ERCC5: variants seen among roughly 807,000 people sequenced by gnomAD.
ERCC5 encodes ERCC excision repair 5, endonuclease.
In ERCC5, 68 loss-of-function variants were observed where a neutral mutation model predicts 105.6. The observed-to-expected ratio is 0.64, with a 90% CI of 0.53 to 0.79. The LOEUF is 0.79. ERCC5 is among the 30% of genes least tolerant of loss of function. ERCC5 has a pLI of 0.00. For synonymous variants in ERCC5, 546 were observed against 526.2 expected (o/e 1.04, Z -0.51); for missense variants, 1,373 against 1,426.7 (o/e 0.96, Z 0.61).
rs374826471 is a variant in ERCC5, at chr13:102,872,336, C to A, written c.2817C>A (p.Pro939=). 1 of 1,614,152 alleles carries A rather than the reference C, an allele frequency of 6.2e-7. No individual in the cohort carries two copies. Among genetic ancestry groups the A allele is most frequent in the African/African-American group, 1.3e-5 (1 of 75,034 alleles). The change falls in exon 13 of 15, where the codon CCC becomes CCA. Residue 939 remains proline, a synonymous_variant. Coordinates refer to ENST00000652225, the MANE Select transcript of ERCC5 (RefSeq NM_000123.4). ...CTGTTGCCGAGGCCTACCTCAAACC[C>A]GTGGTGGATGACTCGAAGGGATCCT... ...NPAVAEAYLK[P]VVDDSKGSFL... is the part of the protein sequence containing the mutation.
Position 102,865,466 on chromosome 13 carries a change from A to T in ERCC5, c.1955-201A>T. The stretch of plus-strand genomic sequence containing the variant: ...AAGACAGTGCCAGTTTACCTAATTG[A>T]AAAGGCTTGTTTTGAAGTTACAGGC... On this transcript the variant is annotated intron_variant, in intron 8 of 14. Transcript: ENST00000652225. The surrounding 1 kb of genome is among the most constrained non-coding windows in gnomAD (Gnocchi z 4.0). 3.0e-6 allele frequency: 2 copies of T among 660,656 alleles called. No individual in the cohort carries two copies. Among genetic ancestry groups the T allele is most frequent in the Non-Finnish European group, 4.9e-6 (2 of 409,390 alleles). The allele number at this position is 660,656 out of a possible 1,614,324, so 40.9% of individuals were successfully genotyped here.
rs1882789152 is a variant in ERCC5 at position 102,865,165 on chromosome 13, A to G, written c.1955-502A>G. On this transcript the variant is annotated intron_variant, in intron 8 of 14. Transcript: ENST00000652225. The surrounding 1 kb of genome is among the most constrained non-coding windows in gnomAD (Gnocchi z 4.0). ...GGCCTTGCCAGCCCTCTCCACCTAC[A>G]GGGAAGGAAGGCAACCATTAAATAT... The G allele has an allele frequency of 5.3e-6, 1 of 189,660 alleles. No homozygotes were observed. The highest frequency in any genetic ancestry group is 9.5e-5 in the South Asian group (1 of 10,514). The allele number at this position is 189,660 out of a possible 1,614,324, so 11.7% of individuals were successfully genotyped here.
chr13:102,852,573 T>C (rs977897661), intron 2 of ERCC5, among the ~76,000 whole-genome samples: 1 of 152,194 alleles, frequency 6.6e-6, no homozygotes, highest in Non-Finnish European at 1.5e-5. Flanking sequence ...GAGGATCTTG[T>C]TAGGTGTTTT....
chr13:102,866,243 A>G lies in ERCC5; in HGVS notation c.2200-19A>G, dbSNP rs767364722. The G allele has an allele frequency of 3.7e-6, 6 of 1,613,378 alleles. No individual in the cohort carries two copies. Among genetic ancestry groups the G allele is most frequent in the Non-Finnish European group, 5.1e-6 (6 of 1,179,614 alleles). ...TTGGATTATTAATATAAATCTATAAATGAAAAAACATTTTATAGGAGGAGT... is the reference window on the plus strand; with the variant it reads ...TTGGATTATTAATATAAATCTATAAGTGAAAAAACATTTTATAGGAGGAGT... On this transcript the variant is annotated intron_variant, in intron 9 of 14. Transcript: ENST00000652225.
intron 5 of ERCC5, among the ~76,000 whole-genome samples, chr13:102,856,515 T>C (rs562715352): frequency 5.6e-4 from 85 of 152,374 alleles, no homozygotes; most frequent in Non-Finnish European, 7.1e-4. Context: ...TTTGTATATA[T>C]GTATCAAATG....
chr13:102,872,285 A>G lies in ERCC5; in HGVS notation c.2766A>G (p.Gln922=), dbSNP rs370696670. The G allele has an allele frequency of 2.5e-6, 4 of 1,613,704 alleles. No individual in the cohort carries two copies. The highest frequency in any genetic ancestry group is 2.2e-5 in the South Asian group (2 of 91,044). The change falls in exon 13 of 15, where the codon CAA becomes CAG. Residue 922 remains glutamine (Q), a synonymous_variant. Coordinates refer to ENST00000652225, the MANE Select transcript of ERCC5 (RefSeq NM_000123.4). ...TGAAAAAAAAATTACGGACATTGCA[A>G]CTCACCCCTGGCTTTCCTAACCCAG... The part of the protein sequence containing the change: ...TKVKKKLRTL[Q]LTPGFPNPAV...
In ERCC5 at chr13:102,872,381, T is replaced by C. The variant is rs1883064585; in HGVS notation, c.2862T>C (p.Asp954=). The change falls in exon 13 of 15, where the codon GAT becomes GAC. Residue 954 remains aspartate (D), a synonymous_variant. Transcript: ENST00000652225. ...SKGSFLWGKP[D]LDKIREFCQR... Reference sequence around the variant, plus strand: ...GATCCTTTCTGTGGGGGAAACCTGATCTCGACAAAATTAGAGAATATCCTT... The same window carrying C: ...GATCCTTTCTGTGGGGGAAACCTGACCTCGACAAAATTAGAGAATATCCTT... The C allele has an allele frequency of 6.2e-7, 1 of 1,614,166 alleles. No homozygotes were observed. The highest frequency in any genetic ancestry group is 8.5e-7 in the Non-Finnish European group (1 of 1,180,026).
intron 8 of ERCC5, among the ~76,000 whole-genome samples, chr13:102,864,310 C>G (rs888246644): frequency 2.6e-5 from 4 of 152,146 alleles, no homozygotes; most frequent in Non-Finnish European, 2.9e-5. Flanking sequence ...TTGTTAGCAT[C>G]CATTGATGTT....
Position 102,866,321 on chromosome 13 carries a change from A to G in ERCC5, c.2259A>G (p.Gln753=). The change falls in exon 10 of 15, where the codon CAA becomes CAG. Residue 753 remains glutamine (Q), a synonymous_variant. Transcript: ENST00000652225. ...LLAQQNSLKA[Q]KQQQERIAAT... ...CACAGCAGAATTCACTGAAAGCTCA[A>G]AAACAGCAGCAAGAACGGATCGCTG... 1 of 1,614,234 alleles carries G rather than the reference A, an allele frequency of 6.2e-7. No homozygotes were observed. Among genetic ancestry groups the G allele is most frequent in the Non-Finnish European group, 8.5e-7 (1 of 1,180,036 alleles).
chr13:102,849,287 T>C (rs1010072350), intron 1 of ERCC5: 1 of 518,464 alleles, frequency 1.9e-6, no homozygotes, highest in Admixed American at 1.9e-5. Flanking sequence ...GGTTTCCTTA[T>C]AATCTGTTCT....
In ERCC5 at chr13:102,862,174, C is replaced by T; in HGVS notation, c.1025C>T (p.Pro342Leu). The T allele has an allele frequency of 6.2e-7, 1 of 1,614,146 alleles. No individual in the cohort carries two copies. The highest frequency in any genetic ancestry group is 8.5e-7 in the Non-Finnish European group (1 of 1,180,028). Residue 342 changes from proline to leucine, a missense_variant, in exon 8 of 15, where the codon CCA (proline) becomes CTA (leucine). Pro to Leu is a moderately conservative substitution (Grantham distance 98). Around this residue, in one of 3 missense-constraint regions of ERCC5, gnomAD observed 1,004 missense variants for 1,059.7 expected, o/e 0.95. Coordinates refer to ENST00000652225, the MANE Select transcript of ERCC5 (RefSeq NM_000123.4). ...EKEPDATPPS[P>L]RTLLAMQAAL... is the part of the protein sequence containing the mutation. Reference sequence around the variant, plus strand: ...GAGCCTGATGCTACCCCTCCTTCTCCAAGAACTTTACTAGCTATGCAAGCT... The same window carrying T: ...GAGCCTGATGCTACCCCTCCTTCTCTAAGAACTTTACTAGCTATGCAAGCT...
chr13:102,873,934 T>G (rs1008745760), intron 14 of ERCC5, among the ~76,000 whole-genome samples: 3 of 152,216 alleles, frequency 2.0e-5, no homozygotes, highest in African/African-American at 7.2e-5. Flanking sequence ...AATAAACCAC[T>G]TAGCAGAAAT....
In ERCC5 at chr13:102,875,922, C is replaced by A; in HGVS notation, c.*19C>A. 1 of 1,599,310 alleles carries A rather than the reference C, an allele frequency of 6.3e-7. No homozygotes were observed. Among genetic ancestry groups the A allele is most frequent in the Non-Finnish European group, 8.5e-7 (1 of 1,178,510 alleles). On this transcript the variant is annotated 3_prime_UTR_variant, in exon 15 of 15. Coordinates refer to ENST00000652225, the MANE Select transcript of ERCC5 (RefSeq NM_000123.4). ...AACCTAATTAAAAAATATGTATCCT[C>A]TATAATTAGTTATGACAGCCATTTG...
chr13:102,866,116 CAG>C lies in ERCC5; in HGVS notation c.2200-143_2200-142del, dbSNP rs367821931. On this transcript the variant is annotated intron_variant, in intron 9 of 14. Coordinates refer to ENST00000652225, the MANE Select transcript of ERCC5 (RefSeq NM_000123.4). ...TAGTGATGAATCTCTAAAGATATTACAGAGTCTTGGTTAGACATCCAGTGGAG... is the reference window on the plus strand; with the variant it reads ...TAGTGATGAATCTCTAAAGATATTACAGTCTTGGTTAGACATCCAGTGGAG... 788 of 1,452,562 alleles carry C rather than the reference CAG, an allele frequency of 5.4e-4. 3 individuals are homozygous for C. In the African/African-American group the frequency reaches 7.9e-3, roughly 15 times the overall value. The allele number at this position is 1,452,562 out of a possible 1,614,324, so 90.0% of individuals were successfully genotyped here.
At chr13:102,857,361 A>AT (rs925650913) in intron 5 of ERCC5, among the ~76,000 whole-genome samples, 5 of 151,194 alleles carry the variant, frequency 3.3e-5, no homozygotes, top group East Asian at 1.9e-4. Context: ...CCAAGGCTTT[A>AT]TTTTTTTTTG....
chr13:102,862,719 C>T lies in ERCC5; in HGVS notation c.1570C>T (p.Pro524Ser), dbSNP rs760183051. 12 of 1,614,076 alleles carry T rather than the reference C, an allele frequency of 7.4e-6. No homozygotes were observed. The highest frequency in any genetic ancestry group is 3.3e-4 in the Middle Eastern group (2 of 6,084). The change falls in exon 8 of 15, where the codon CCG becomes TCG. Residue 524 changes from proline to serine, a missense_variant. Pro to Ser is a moderately conservative substitution (Grantham distance 74). Around this residue, in one of 3 missense-constraint regions of ERCC5, gnomAD observed 1,004 missense variants for 1,059.7 expected, o/e 0.95. Coordinates refer to ENST00000652225, the MANE Select transcript of ERCC5 (RefSeq NM_000123.4). ...PGLPNGRELTPASPTCTNSVS... is the reference protein window; with the variant it reads ...PGLPNGRELTSASPTCTNSVS... ...GCTCCCGAATGGAAGGGAACTGACA[C>T]CGGCATCTCCAACTTGTACAAATTC...
chr13:102,870,682 A>G (rs1186520268), intron 12 of ERCC5, among the ~76,000 whole-genome samples: 1 of 152,144 alleles, frequency 6.6e-6, no homozygotes, highest in East Asian at 1.9e-4. Context: ...ATGAAGAAAA[A>G]TTATTTTTTC....
chr13:102,861,785 A>C (rs1882629181), intron 7 of ERCC5, 71 bp downstream of exon 7: 1 of 1,558,572 alleles, frequency 6.4e-7, no homozygotes, highest in Admixed American at 1.8e-5. Context: ...AATTCTATAA[A>C]CTAGCACCCC....
rs141369732 is a variant in ERCC5, at chr13:102,858,338, C to G, written c.592C>G (p.Pro198Ala). Reference sequence around the variant, plus strand: ...GTCTGAGGACTTCAGCAGCCTGCCCCCTGAAGTAAAGCATGAAATCTTGAC... The same window carrying G: ...GTCTGAGGACTTCAGCAGCCTGCCCGCTGAAGTAAAGCATGAAATCTTGAC... Reference protein sequence around the residue: ...IESEDFSSLPPEVKHEILTDM... With the variant: ...IESEDFSSLPAEVKHEILTDM... Residue 198 changes from proline (P) to alanine (A), a missense_variant, in exon 6 of 15, where the codon CCT becomes GCT. Transcript: ENST00000652225. 289 of 1,613,966 alleles carry G rather than the reference C, an allele frequency of 1.8e-4. No individual in the cohort carries two copies. Among genetic ancestry groups the G allele is most frequent in the Non-Finnish European group, 1.4e-4 (160 of 1,180,010 alleles).
Sources: gnomAD v4.1 joint callset for allele counts (sites outside exome capture counted in the v4.1 genomes callset) on GRCh38, gnomAD v4.1.1 for gene constraint, gnomAD v4.1.1 regional missense constraint, Gnocchi (gnomAD v3.1) non-coding constraint, MANE v1.5 for transcripts, NCBI Gene and HGNC (gene_info 2026-07-23, HGNC 2026-07-21) for gene names.